PTPN18: variants seen among roughly 807,000 people sequenced by gnomAD.
The protein encoded by PTPN18 is protein tyrosine phosphatase non-receptor type 18, also known as tyrosine-protein phosphatase non-receptor type 18.
A neutral mutation model predicts 65.4 loss-of-function variants in PTPN18; 65 were observed. The ratio of observed to expected loss-of-function variants is 0.99; its 90% CI spans 0.81 to 1.22. The LOEUF (loss-of-function observed/expected upper bound fraction) is 1.22. Among genes scored for constraint, PTPN18 ranks in the 50% most tolerant of loss-of-function variants. PTPN18 has a pLI of 0.00. For missense variants in PTPN18, 616 were observed against 646.5 expected (o/e 0.95, Z 0.51); for synonymous variants, 255 against 267.8 (o/e 0.95, Z 0.47).
At position 130,359,459 on chromosome 2, in the gene PTPN18, C is replaced by G. The variant is rs1301957330; in HGVS notation, c.342C>G (p.Asp114Glu). 9 of 1,614,198 alleles carry G rather than the reference C, an allele frequency of 5.6e-6. No homozygotes were observed. Among genetic ancestry groups the G allele is most frequent in the African/African-American group, 2.7e-5 (2 of 75,040 alleles). ...GACCCTTGCCTCACACCCTGCTAGACTTCTGGAGACTGGTCTGGGAGTTTG... is the reference window on the plus strand; with the variant it reads ...GACCCTTGCCTCACACCCTGCTAGAGTTCTGGAGACTGGTCTGGGAGTTTG... ...TQGPLPHTLL[D>E]FWRLVWEFGV... Residue 114 changes from aspartate to glutamate, a missense_variant, in exon 4 of 15, where the codon GAC (aspartate) becomes GAG (glutamate). Physicochemically the swap from Asp to Glu is conservative, Grantham distance 45 (BLOSUM62 2). This residue lies in a region of PTPN18 where 223 missense variants were observed against 210.0 expected (regional missense o/e 1.06). Coordinates refer to ENST00000175756, the MANE Select transcript of PTPN18 (RefSeq NM_014369.4).
intron 12 of PTPN18, 66 bp downstream of exon 12, chr2:130,371,353 G>A: frequency 7.4e-7 from 1 of 1,351,224 alleles, no homozygotes; most frequent in East Asian, 2.3e-5. Flanking sequence ...CTTCATCCTT[G>A]GAACACCAGT....
At chr2:130,370,445 T>C in intron 8 of PTPN18, 112 bp from the exon 9 acceptor site, 1 of 1,288,540 alleles carries the variant, frequency 7.8e-7, no homozygotes, top group Non-Finnish European at 1.1e-6. Context: ...ATTCTGGGAA[T>C]CAAGAGGCTC....
chr2:130,367,050 A>AT (rs57039741), intron 5 of PTPN18, among the ~76,000 whole-genome samples: 5,353 of 104,102 alleles, frequency 0.051, 245 homozygotes, highest in Non-Finnish European at 0.06. Flanking sequence ...GCTAATTTTA[A>AT]TTTTTTTTTT....
At chr2:130,365,734 G>A (rs79719596) in intron 5 of PTPN18, among the ~76,000 whole-genome samples, 32 of 152,322 alleles carry the variant, frequency 2.1e-4, no homozygotes, top group African/African-American at 6.3e-4. Flanking sequence ...TACTTTGAAT[G>A]AACTTTTGTA....
intron 1 of PTPN18, among the ~76,000 whole-genome samples, chr2:130,357,836 A>G (rs1011833845): frequency 6.7e-6 from 1 of 149,650 alleles, no homozygotes; most frequent in South Asian, 2.1e-4. Context: ...AGCCTGGGCA[A>G]CAGAGCGAGA....
rs528930786 is a variant in PTPN18 at position 130,371,119 on chromosome 2, T to C, written c.925-80T>C. The C allele has an allele frequency of 1.6e-5, 22 of 1,418,064 alleles. No individual in the cohort carries two copies. The African/African-American group carries it at 2.9e-4, about 18-fold the overall frequency. The allele number at this position is 1,418,064 out of a possible 1,614,324, so 87.8% of individuals were successfully genotyped here. On this transcript the variant is annotated intron_variant, in intron 11 of 14. Transcript: ENST00000175756. ...CAGGCATCCTTATCAGGCTCTCCCA[T>C]CTTAAGCTTTCTCCCAGAGCCCCTT...
Position 130,374,908 on chromosome 2 carries a change from T to A in PTPN18, c.*1684T>A, listed in dbSNP as rs1245941982. The A allele has an allele frequency of 2.6e-5, 8 of 305,784 alleles. No homozygotes were observed. The highest frequency in any genetic ancestry group is 4.4e-5 in the African/African-American group (2 of 45,966). 18.9% of individuals were successfully genotyped at this position (305,784 alleles called of 1,614,324 possible). On this transcript the variant is annotated 3_prime_UTR_variant, in exon 15 of 15. Transcript: ENST00000175756. ...TACCCCACCCCACCCCTTGGCAGGG[T>A]GATGCTGAGGTGTGGATTTTTAACA... is the stretch of plus-strand genomic sequence containing the variant.
In PTPN18 at chr2:130,369,875, A is replaced by C. The variant is rs762474813; in HGVS notation, c.546+48A>C. On this transcript the variant is annotated intron_variant, in intron 7 of 14. Transcript: ENST00000175756. ...GGTAAAGGGGCTCCTGAAAGGGGAG[A>C]GGTTTCCTCTCCTGTAAAAATGGGC... 43 of 1,547,116 alleles carry C rather than the reference A, an allele frequency of 2.8e-5. No individual in the cohort carries two copies. In the Admixed American group the frequency reaches 5.3e-4, roughly 19 times the overall value.
chr2:130,373,345 G>C lies in PTPN18; in HGVS notation c.*121G>C. The C allele has an allele frequency of 9.3e-7, 1 of 1,079,544 alleles. No homozygotes were observed. The highest frequency in any genetic ancestry group is 1.3e-6 in the Non-Finnish European group (1 of 774,274). 66.9% of individuals were successfully genotyped at this position (1,079,544 alleles called of 1,614,324 possible). A position where few individuals can be genotyped will look rare whatever the true frequency, so the allele number is the denominator to read the frequency against. On this transcript the variant is annotated 3_prime_UTR_variant, in exon 15 of 15. Transcript: ENST00000175756. The surrounding 1 kb of genome is among the most constrained non-coding windows in gnomAD (Gnocchi z 4.1). ...CTGGATCAAAGTTAAAGTTTCTCAG[G>C]GTGGGAAATGTGGGGGCTTTGCCCC...
chr2:130,362,161 A>AAGTCTC (rs1258316364), intron 5 of PTPN18: 1 of 470,150 alleles, frequency 2.1e-6, no homozygotes. Context: ...TGTAGAGATT[A>AAGTCTC]AGTCTCACGT....
chr2:130,372,224 G>C (rs544278524), intron 12 of PTPN18, 33 bp from the exon 13 acceptor site: 1 of 1,555,444 alleles, frequency 6.4e-7, no homozygotes, highest in Non-Finnish European at 8.6e-7. Flanking sequence ...CAGCGCCGCC[G>C]TTTCACTTCC....
chr2:130,369,060 T>C, intron 5 of PTPN18, 73 bp from the exon 6 acceptor site: 1 of 1,344,376 alleles, frequency 7.4e-7, no homozygotes. Context: ...GGGTGTCTTG[T>C]GGCATGATTG....
chr2:130,370,425 T>C (rs1680520898), intron 8 of PTPN18, 132 bp from the exon 9 acceptor site: 1 of 1,197,860 alleles, frequency 8.3e-7, no homozygotes, highest in Non-Finnish European at 1.2e-6. Flanking sequence ...TGTTCAGATA[T>C]AATCTGAAGA....
chr2:130,370,329 T>C lies in PTPN18; in HGVS notation c.689+139T>C, dbSNP rs900878755. On this transcript the variant is annotated intron_variant, in intron 8 of 14. Transcript: ENST00000175756. ...GCTCACCCTCCATGGACTGTAATTGTGAGCACTTGTTCAGCACAGACTCAG... is the reference window on the plus strand; with the variant it reads ...GCTCACCCTCCATGGACTGTAATTGCGAGCACTTGTTCAGCACAGACTCAG... 1.1e-5 allele frequency: 14 copies of C among 1,326,382 alleles called. No individual in the cohort carries two copies. The African/African-American group carries it at 2.0e-4, about 19-fold the overall frequency. The allele number at this position is 1,326,382 out of a possible 1,614,324, so 82.2% of individuals were successfully genotyped here. A position where few individuals can be genotyped will look rare whatever the true frequency, so the allele number is the denominator to read the frequency against.
At chr2:130,356,712 T>A in intron 1 of PTPN18, 1 of 442,006 alleles carries the variant, frequency 2.3e-6, no homozygotes, top group South Asian at 1.6e-5. Context: ...CCGTCCCGAA[T>A]CCGCGTCCCG....
In PTPN18 at chr2:130,370,716, T is replaced by C; in HGVS notation, c.768T>C (p.Pro256=). ...RQLLLTQMIP[P]DFSLFDVVLK... ...TCTGTCTGCCCCAGATGATCCCACCTGACTTCAGTCTCTTTGATGTGGTCC... is the reference window on the plus strand; with the variant it reads ...TCTGTCTGCCCCAGATGATCCCACCCGACTTCAGTCTCTTTGATGTGGTCC... Residue 256 remains proline, a synonymous_variant, in exon 10 of 15, where the codon CCT becomes CCC. Coordinates refer to ENST00000175756, the MANE Select transcript of PTPN18 (RefSeq NM_014369.4). The C allele has an allele frequency of 6.2e-7, 1 of 1,614,222 alleles. No individual in the cohort carries two copies.
chr2:130,370,356 T>G, intron 8 of PTPN18, 166 bp downstream of exon 8: 1 of 1,173,842 alleles, frequency 8.5e-7, no homozygotes, highest in Non-Finnish European at 1.2e-6. Context: ...CAGACTCAGC[T>G]GGGGAATAAG....
chr2:130,369,253 T>C, intron 6 of PTPN18, 52 bp downstream of exon 6: 1 of 1,538,516 alleles, frequency 6.5e-7, no homozygotes, highest in African/African-American at 1.4e-5. Flanking sequence ...AGGCTTTGGG[T>C]TGGGCCTAAA....
rs571597681 is a variant in PTPN18, at chr2:130,372,098, G to A, written c.1014-159G>A. ...TCCCCCTAACTTGCAGGGCGCTAGG[G>A]ACACAGAAGCGAGGCCTCCAACCCA... On this transcript the variant is annotated intron_variant, in intron 12 of 14. Transcript: ENST00000175756. The A allele has an allele frequency of 5.3e-5, 33 of 627,582 alleles. No homozygotes were observed. In the African/African-American group the frequency reaches 6.2e-4, roughly 12 times the overall value. 38.9% of individuals were successfully genotyped at this position (627,582 alleles called of 1,614,324 possible). A position where few individuals can be genotyped will look rare whatever the true frequency, so the allele number is the denominator to read the frequency against.
Sources: allele counts gnomAD v4.1 joint callset (sites outside exome capture counted in the v4.1 genomes callset), GRCh38; gene constraint gnomAD v4.1.1; regional missense constraint gnomAD v4.1.1; non-coding constraint Gnocchi (gnomAD v3.1); transcripts MANE v1.5; gene names NCBI Gene and HGNC (gene_info 2026-07-23, HGNC 2026-07-21).